The following RASGRP3 variants were observed in gnomAD, a reference collection of about 807,000 sequenced individuals.
The protein encoded by RASGRP3 is RAS guanyl releasing protein 3.
In RASGRP3, 54 loss-of-function variants were observed where a neutral mutation model predicts 82.7. That is an observed-to-expected ratio of 0.65 (90% CI 0.52 to 0.82). The LOEUF is 0.82. Ranked by LOEUF, RASGRP3 falls within the 40% of genes least tolerant of loss-of-function variation. RASGRP3 has a pLI of 0.00. For synonymous variants in RASGRP3, 309 were observed against 300.5 expected, an observed-to-expected ratio of 1.03 and a Z score of -0.29; for missense variants, 861 against 828.9, an observed-to-expected ratio of 1.04 and a Z score of -0.48.
At chr2:33,552,342 A>T (rs140244944) in intron 14 of RASGRP3, among the ~76,000 whole-genome samples, 65 of 152,300 alleles carry the variant, frequency 4.3e-4, no homozygotes, top group Admixed American at 1.6e-3. Flanking sequence ...CTTACCCACC[A>T]TGTTGTTGCA....
intron 1 of RASGRP3, among the ~76,000 whole-genome samples, chr2:33,493,588 C>A (rs193073043): frequency 2.5e-4 from 33 of 132,032 alleles, no homozygotes; most frequent in African/African-American, 1.0e-3. Flanking sequence ...TGTGCCAAGA[C>A]CCATTTAGAG....
intron 11 of RASGRP3, among the ~76,000 whole-genome samples, chr2:33,535,396 G>T (rs1673509067): frequency 6.6e-6 from 1 of 152,200 alleles, no homozygotes; most frequent in Non-Finnish European, 1.5e-5. Context: ...GCCTATGCTT[G>T]CTTCTTATAA....
intron 2 of RASGRP3, chr2:33,458,145 A>G (rs942160478): frequency 3.9e-5 from 6 of 152,158 alleles, no homozygotes; most frequent in Non-Finnish European, 8.8e-5. Flanking sequence ...GTTGGGTCCA[A>G]AATCGGACTT....
chr2:33,451,565 C>T (rs1665801202), intron 2 of RASGRP3, among the ~76,000 whole-genome samples: 1 of 152,106 alleles, frequency 6.6e-6, no homozygotes. Flanking sequence ...AGTTTTTAAT[C>T]TATTTTGAGT....
intron 13 of RASGRP3, among the ~76,000 whole-genome samples, chr2:33,547,808 C>T (rs1398897116): frequency 6.6e-6 from 1 of 151,894 alleles, no homozygotes. Flanking sequence ...GTCAGAGGGC[C>T]CTGCAGGTGA....
At chr2:33,528,360 T>C (rs1050600359) in intron 10 of RASGRP3, among the ~76,000 whole-genome samples, 13 of 152,344 alleles carry the variant, frequency 8.5e-5, no homozygotes, top group Non-Finnish European at 1.2e-4. Context: ...CACACATGTT[T>C]AGCTGGTCTC....
intron 12 of RASGRP3, among the ~76,000 whole-genome samples, chr2:33,541,977 G>A (rs1290782544): frequency 1.4e-5 from 2 of 146,762 alleles, no homozygotes; most frequent in Non-Finnish European, 3.0e-5. Flanking sequence ...AGTGGCTCAT[G>A]CCTATAATCC....
intron 6 of RASGRP3, among the ~76,000 whole-genome samples, chr2:33,521,407 C>T (rs112779497): frequency 0.018 from 2,795 of 152,240 alleles, 91 homozygotes; most frequent in African/African-American, 0.064. Context: ...TTTCCACTGT[C>T]GATTACTATT....
intron 13 of RASGRP3, among the ~76,000 whole-genome samples, chr2:33,546,277 G>A (rs980842060): frequency 6.6e-6 from 1 of 151,888 alleles, no homozygotes; most frequent in Non-Finnish European, 1.5e-5. Context: ...CAAAAAATTA[G>A]CCAGGCTTGG....
At chr2:33,509,266 G>A (rs1006012570) in intron 1 of RASGRP3, among the ~76,000 whole-genome samples, 1 of 152,092 alleles carries the variant, frequency 6.6e-6, no homozygotes, top group East Asian at 1.9e-4. Context: ...GCCAGGTGTG[G>A]TGGCACATGC....
intron 1 of RASGRP3, among the ~76,000 whole-genome samples, chr2:33,487,036 T>C (rs766736330): frequency 2.6e-5 from 4 of 152,236 alleles, no homozygotes; most frequent in Non-Finnish European, 4.4e-5. Flanking sequence ...TTTCAATTCA[T>C]GGTCATTCTT....
chr2:33,441,834 A>T (rs1042285438), intron 1 of RASGRP3, among the ~76,000 whole-genome samples: 5 of 152,254 alleles, frequency 3.3e-5, no homozygotes, highest in Non-Finnish European at 7.3e-5. Context: ...ATTCTTAAAA[A>T]CATCATAAAT....
intron 1 of RASGRP3, among the ~76,000 whole-genome samples, chr2:33,442,951 G>A (rs1457715573): frequency 2.7e-5 from 4 of 149,954 alleles, no homozygotes; most frequent in African/African-American, 7.4e-5. Flanking sequence ...CTTCCAATGT[G>A]TTTTTAATTC....
intron 17 of RASGRP3, among the ~76,000 whole-genome samples, chr2:33,559,252 C>T (rs796599372): frequency 1.9e-4 from 29 of 152,186 alleles, no homozygotes; most frequent in African/African-American, 5.1e-4. Flanking sequence ...AAAAATTGAA[C>T]GAGATCAAGT....
intron 2 of RASGRP3, among the ~76,000 whole-genome samples, chr2:33,470,050 A>C (rs993422824): frequency 1.4e-4 from 22 of 152,108 alleles, no homozygotes; most frequent in African/African-American, 5.3e-4. Flanking sequence ...TTTAGTACCT[A>C]ATATCTCCCT....
chr2:33,546,481 A>G (rs1422637318), intron 13 of RASGRP3, among the ~76,000 whole-genome samples: 2 of 152,152 alleles, frequency 1.3e-5, no homozygotes, highest in Non-Finnish European at 2.9e-5. Context: ...TGCAGAGGAA[A>G]GGGAACACTT....
rs971965767 is a variant in RASGRP3, at chr2:33,564,332, A to C, written c.*1595A>C. ...ATTGGAAATACTGCAGATGATGTGA[A>C]GTTATCAGTTGGAGGAGCTGTGATT... On this transcript the variant is annotated 3_prime_UTR_variant, in exon 18 of 18. Coordinates refer to ENST00000403687, the MANE Select transcript of RASGRP3 (RefSeq NM_001139488.2). 9 of 151,940 alleles carry C rather than the reference A, an allele frequency of 5.9e-5. No homozygotes were observed. The highest frequency in any genetic ancestry group is 1.9e-4 in the African/African-American group (8 of 41,426). The allele number at this position is 151,940 out of a possible 1,614,324, so 9.4% of individuals were successfully genotyped here.
chr2:33,533,717 C>G (rs976093884), intron 10 of RASGRP3: 2 of 152,854 alleles, frequency 1.3e-5, no homozygotes, highest in African/African-American at 4.8e-5. Flanking sequence ...TATGCTGCCT[C>G]CCTGATTTCT....
chr2:33,443,644 G>C (rs1322981236), intron 1 of RASGRP3, among the ~76,000 whole-genome samples: 1 of 151,084 alleles, frequency 6.6e-6, no homozygotes, highest in Non-Finnish European at 1.5e-5. Context: ...AATTTGGGTG[G>C]CAGAGGCTGG....
Sources: gnomAD v4.1 joint callset for allele counts (sites outside exome capture counted in the v4.1 genomes callset) on GRCh38, gnomAD v4.1.1 for gene constraint, MANE v1.5 for transcripts, NCBI Gene and HGNC (gene_info 2026-07-23, HGNC 2026-07-21) for gene names.